Variants in GARS1 observed in about 807,000 individuals in gnomAD.
The protein encoded by GARS1 is glycyl-tRNA synthetase 1.
Under a neutral mutation model 86.4 loss-of-function variants are expected in GARS1, and 46 were observed. That is an observed-to-expected ratio of 0.53 (90% CI 0.42 to 0.68). GARS1 has a LOEUF of 0.68. GARS1 is among the 30% of genes least tolerant of loss of function. The probability of loss-of-function intolerance (pLI) is 0.00; values close to 1 mark genes in which losing one functional copy is unlikely to be tolerated. For missense variants in GARS1, 797 were observed against 915.6 expected, an observed-to-expected ratio of 0.87 and a Z score of 1.67; for synonymous variants, 342 against 329.8, an observed-to-expected ratio of 1.04 and a Z score of -0.40.
At chr7:30,623,972 C>G (rs915664822) in intron 12 of GARS1, among the ~76,000 whole-genome samples, 4 of 152,216 alleles carry the variant, frequency 2.6e-5, no homozygotes, top group Non-Finnish European at 5.9e-5. Flanking sequence ...AAATATCTTT[C>G]AAAAATGAAG....
At chr7:30,628,943 T>A (rs2128135914) in intron 14 of GARS1, among the ~76,000 whole-genome samples, 1 of 152,308 alleles carries the variant, frequency 6.6e-6, no homozygotes, top group Non-Finnish European at 1.5e-5. Flanking sequence ...ACAATCTATA[T>A]TATGTCAATG....
intron 10 of GARS1, among the ~76,000 whole-genome samples, chr7:30,620,196 CTCTTGT>C (rs1034693992): frequency 2.0e-5 from 3 of 152,056 alleles, no homozygotes; most frequent in African/African-American, 7.2e-5. Flanking sequence ...TCTTTACAAA[CTCTTGT>C]TCTTATTGAA....
In GARS1 at chr7:30,630,888, A is replaced by G. The variant is rs890903489; in HGVS notation, c.1810-560A>G. Among the ~76,000 whole-genome samples the G allele has an allele frequency of 5.9e-5, 9 of 152,172 alleles. No homozygotes were observed. In the South Asian group the frequency reaches 1.0e-3, roughly 18 times the overall value. ...TTAAGAAGGCTGTACTTTTTAGTGTAGGTATATGGAACATCTTTTTTTGTT... is the reference window on the plus strand; with the variant it reads ...TTAAGAAGGCTGTACTTTTTAGTGTGGGTATATGGAACATCTTTTTTTGTT... On this transcript the variant is annotated intron_variant, in intron 14 of 16. Transcript: ENST00000389266.
At chr7:30,625,319 T>C (rs1783106220) in intron 12 of GARS1, among the ~76,000 whole-genome samples, 1 of 152,176 alleles carries the variant, frequency 6.6e-6, no homozygotes, top group South Asian at 2.1e-4. Context: ...TGTGACACTG[T>C]GTATGTAATG....
intron 2 of GARS1, among the ~76,000 whole-genome samples, 190 bp downstream of exon 2, chr7:30,599,087 A>G (rs1449774822): frequency 1.3e-5 from 2 of 152,152 alleles, no homozygotes; most frequent in African/African-American, 2.4e-5. Flanking sequence ...GCAACTCAAA[A>G]TGTCAACTTT....
chr7:30,627,514 T>G (rs555949858), intron 13 of GARS1, among the ~76,000 whole-genome samples: 1 of 152,362 alleles, frequency 6.6e-6, no homozygotes, highest in South Asian at 2.1e-4. Flanking sequence ...TCTTCCAAAG[T>G]TATGACCAGT....
upstream of GARS1, chr7:30,594,828 C>A: frequency 9.1e-7 from 1 of 1,097,850 alleles, no homozygotes; most frequent in Non-Finnish European, 1.3e-6. Context: ...ACGCGCGCCG[C>A]GTCGTTTACG....
chr7:30,629,560 G>A (rs1783196733), intron 14 of GARS1, among the ~76,000 whole-genome samples: 1 of 152,202 alleles, frequency 6.6e-6, no homozygotes, highest in African/African-American at 2.4e-5. Context: ...TCTAAAGCTT[G>A]AGTGTACGTA....
chr7:30,601,001 G>A (rs1445288933), intron 3 of GARS1, 58 bp from the exon 4 acceptor site: 6 of 1,531,574 alleles, frequency 3.9e-6, no homozygotes, highest in Non-Finnish European at 5.4e-6. Flanking sequence ...ATGTCTCCTT[G>A]CCTTCATTTG....
intron 16 of GARS1, among the ~76,000 whole-genome samples, chr7:30,633,457 G>A (rs1168066205): frequency 6.6e-6 from 1 of 152,180 alleles, no homozygotes; most frequent in Non-Finnish European, 1.5e-5. Flanking sequence ...TCCCTCACAC[G>A]AGTTACTTGA....
chr7:30,623,114 C>CA (rs1205425678), intron 12 of GARS1, among the ~76,000 whole-genome samples: 7,429 of 126,660 alleles, frequency 0.059, 281 homozygotes, highest in African/African-American at 0.12. Context: ...AAAAAAAAAA[C>CA]AAAAAAAAAA....
chr7:30,594,906 C>G lies in GARS1; in HGVS notation c.-16C>G, dbSNP rs1335116702. The G allele has an allele frequency of 1.3e-6, 2 of 1,548,390 alleles. No individual in the cohort carries two copies. The highest frequency in any genetic ancestry group is 2.4e-5 in the South Asian group (2 of 85,044). ...TCCGTCGCCACCCTCTCTGGACAGC[C>G]CAGGGCCGCAGGCTCATGCCCTCTC... is the stretch of plus-strand genomic sequence containing the variant. On this transcript the variant is annotated 5_prime_UTR_variant, in exon 1 of 17. Coordinates refer to ENST00000389266, the MANE Select transcript of GARS1 (RefSeq NM_002047.4).
Position 30,595,109 on chromosome 7 carries a change from T to C in GARS1, c.188T>C (p.Val63Ala), listed in dbSNP as rs1237685622. 1.3e-6 allele frequency: 2 copies of C among 1,540,352 alleles called. No homozygotes were observed. The highest frequency in any genetic ancestry group is 1.7e-6 in the Non-Finnish European group (2 of 1,148,566). The change falls in exon 1 of 17, where the codon GTG becomes GCG. Residue 63 changes from valine to alanine, a missense_variant. By Grantham distance (64) the Val-to-Ala change is moderately conservative. Around this residue, in one of 2 missense-constraint regions of GARS1, gnomAD observed 199 missense variants for 176.9 expected, o/e 1.12. Transcript: ENST00000389266. ...SSMDGAGAEE[V>A]LAPLRLAVRQ... is the part of the protein sequence containing the mutation. ...ATGGACGGCGCGGGGGCTGAGGAGG[T>C]GCTGGCACCTCTGAGGCTAGCAGTG... is the stretch of plus-strand genomic sequence containing the variant.
chr7:30,626,360 T>TA (rs1311490608), intron 13 of GARS1, 41 bp downstream of exon 13: 4 of 1,231,306 alleles, frequency 3.2e-6, no homozygotes, highest in Non-Finnish European at 2.4e-6. Context: ...CACTGCTCCT[T>TA]AAAGCTTTTG....
chr7:30,603,013 G>T (rs1299133125), intron 4 of GARS1, 21 bp from the exon 5 acceptor site: 1 of 1,528,496 alleles, frequency 6.5e-7, no homozygotes, highest in South Asian at 1.1e-5. Context: ...TGACAAATTG[G>T]GTTGGCATTT....
chr7:30,595,667 C>G (rs749141483), intron 1 of GARS1, among the ~76,000 whole-genome samples: 1 of 152,148 alleles, frequency 6.6e-6, no homozygotes, highest in Non-Finnish European at 1.5e-5. Context: ...ATAGTGTTTC[C>G]CCCTTAACAT....
chr7:30,599,410 GT>G (rs1399342211), intron 2 of GARS1, among the ~76,000 whole-genome samples: 2 of 146,638 alleles, frequency 1.4e-5, no homozygotes, highest in South Asian at 2.1e-4. Flanking sequence ...ACTTAGTCTT[GT>G]TTTTTTTTTG....
intron 1 of GARS1, among the ~76,000 whole-genome samples, chr7:30,597,143 T>C (rs957389522): frequency 6.6e-6 from 1 of 152,234 alleles, no homozygotes; most frequent in Non-Finnish European, 1.5e-5. Context: ...AAGATATCTG[T>C]GATGAGATGA....
chr7:30,607,866 T>TA (rs60103805), intron 6 of GARS1, among the ~76,000 whole-genome samples: 1 of 152,162 alleles, frequency 6.6e-6, no homozygotes, highest in East Asian at 1.9e-4. Context: ...CTTCCTTTTT[T>TA]AAAAAAATAG....
Sources: allele counts gnomAD v4.1 joint callset (sites outside exome capture counted in the v4.1 genomes callset), GRCh38; gene constraint gnomAD v4.1.1; regional missense constraint gnomAD v4.1.1; transcripts MANE v1.5; gene names NCBI Gene and HGNC (gene_info 2026-07-23, HGNC 2026-07-21).